TM9SF3: variants seen among roughly 807,000 people sequenced by gnomAD.
TM9SF3 encodes the protein SM-11044-binding protein.
In TM9SF3, 14 loss-of-function variants were observed where a neutral mutation model predicts 78.6. The observed-to-expected ratio is 0.18, with a 90% CI of 0.12 to 0.28. The LOEUF (loss-of-function observed/expected upper bound fraction) is 0.28, where lower values mean the gene tolerates loss of function less well. Among genes scored for constraint, TM9SF3 ranks in the 10% least tolerant of loss-of-function variants. The pLI is 1.00. For missense variants in TM9SF3, 496 were observed against 721.9 expected (o/e 0.69, Z 3.59); for synonymous variants, 231 against 241.7 (o/e 0.96, Z 0.41).
In TM9SF3 at chr10:96,519,523, A is replaced by G. The variant is rs927995961; in HGVS notation, c.*2740T>C. The stretch of plus-strand genomic sequence containing the variant: ...ATATGTATACAAATGTCAACTACTA[A>G]TGTAGTTAAATTTCAGGAGAAGCAT... On this transcript the variant is annotated 3_prime_UTR_variant, in exon 15 of 15. Coordinates refer to ENST00000371142, the MANE Select transcript of TM9SF3 (RefSeq NM_020123.4). 7.2e-5 allele frequency: 11 copies of G among 151,974 alleles called. No individual in the cohort carries two copies. The highest frequency in any genetic ancestry group is 2.0e-4 in the Admixed American group (3 of 15,260). 9.4% of individuals were successfully genotyped at this position (151,974 alleles called of 1,614,324 possible).
At chr10:96,563,608 C>T (rs1463922979) in intron 3 of TM9SF3, among the ~76,000 whole-genome samples, 1 of 151,932 alleles carries the variant, frequency 6.6e-6, no homozygotes, top group African/African-American at 2.4e-5. Context: ...GAACTCCTGG[C>T]CCCAAGTGAT....
At chr10:96,553,173 A>G (rs1848194538) in intron 5 of TM9SF3, 114 bp from the exon 6 acceptor site, 1 of 1,172,228 alleles carries the variant, frequency 8.5e-7, no homozygotes, top group South Asian at 2.1e-5. Context: ...CTTTAATTAA[A>G]TCCTTTAGAC....
intron 1 of TM9SF3, among the ~76,000 whole-genome samples, chr10:96,581,047 C>A (rs1848562994): frequency 1.3e-5 from 2 of 152,086 alleles, no homozygotes; most frequent in Non-Finnish European, 2.9e-5. Flanking sequence ...TAAAGACAGT[C>A]CTGAACACTG....
chr10:96,549,497 T>G (rs1007790359), intron 7 of TM9SF3, among the ~76,000 whole-genome samples: 13 of 152,144 alleles, frequency 8.5e-5, no homozygotes, highest in Non-Finnish European at 1.8e-4. Flanking sequence ...TGAGCTTTAG[T>G]GTCCTGGTCT....
intron 11 of TM9SF3, 108 bp from the exon 12 acceptor site, chr10:96,528,285 T>C: frequency 8.7e-7 from 1 of 1,154,762 alleles, no homozygotes; most frequent in Non-Finnish European, 1.2e-6. Context: ...ACTTAATGAC[T>C]TTCTTTCAAG....
intron 12 of TM9SF3, 69 bp from the exon 13 acceptor site, chr10:96,527,565 G>A: frequency 1.6e-6 from 2 of 1,272,440 alleles, no homozygotes; most frequent in African/African-American, 1.5e-5. Context: ...AGATTTTAAA[G>A]CAAAGAATTT....
At chr10:96,563,652 A>G (rs1848336289) in intron 3 of TM9SF3, among the ~76,000 whole-genome samples, 1 of 152,212 alleles carries the variant, frequency 6.6e-6, no homozygotes, top group South Asian at 2.1e-4. Flanking sequence ...TGCTGGGATT[A>G]CAGGCGTGAG....
rs11188813 is a variant in TM9SF3 at position 96,519,433 on chromosome 10, A to G, written c.*2830T>C. On this transcript the variant is annotated 3_prime_UTR_variant, in exon 15 of 15. Transcript: ENST00000371142. ...GGAGCCCAACATGATGAAAAATACT[A>G]AAAGAATGCTTCACCATCCCTCAGG... 0.2 allele frequency: 31,028 copies of G among 151,878 alleles called. 3,519 individuals carry two copies. The highest frequency in any genetic ancestry group is 0.3 in the Admixed American group (4,627 of 15,266). The allele number at this position is 151,878 out of a possible 1,614,324, so 9.4% of individuals were successfully genotyped here.
rs140540746 is a variant in TM9SF3, at chr10:96,558,049, G to GT, written c.660+1609dup. Among the ~76,000 whole-genome samples the GT allele has an allele frequency of 7.9e-3, 1,209 of 152,276 alleles. 34 individuals are homozygous for GT. The highest frequency in any genetic ancestry group is 0.069 in the East Asian group (359 of 5,188). On this transcript the variant is annotated intron_variant, in intron 5 of 14. Transcript: ENST00000371142. ...AGGTGCTCAATTAATATGTGTTGAA[G>GT]TAATAAATACAGTATACCATTCCAT...
At chr10:96,579,401 A>G (rs1848534841) in intron 1 of TM9SF3, among the ~76,000 whole-genome samples, 1 of 152,250 alleles carries the variant, frequency 6.6e-6, no homozygotes, top group African/African-American at 2.4e-5. Flanking sequence ...ATAAATTCCA[A>G]TACTTTTCCT....
chr10:96,551,008 T>C (rs1848163139), intron 7 of TM9SF3, among the ~76,000 whole-genome samples: 1 of 152,208 alleles, frequency 6.6e-6, no homozygotes, highest in South Asian at 2.1e-4. Context: ...TAATGGAACA[T>C]ATAACCTTTA....
chr10:96,539,255 G>A (rs1225733149), intron 9 of TM9SF3, among the ~76,000 whole-genome samples: 4 of 152,154 alleles, frequency 2.6e-5, no homozygotes, highest in African/African-American at 9.7e-5. Context: ...TGGATCACCT[G>A]AGGTCAGGAA....
In TM9SF3 at chr10:96,586,959, C is replaced by A. The variant is rs1589469140; in HGVS notation, c.-124G>T. On this transcript the variant is annotated 5_prime_UTR_variant, in exon 1 of 15. Coordinates refer to ENST00000371142, the MANE Select transcript of TM9SF3 (RefSeq NM_020123.4). ...CGGGGCGCGGACAGACGCACGGGGC[C>A]CGGCCCAGCCGCTGCCTCCTCTGCC... 2.7e-6 allele frequency: 2 copies of A among 748,692 alleles called. No homozygotes were observed. The allele number at this position is 748,692 out of a possible 1,614,324, so 46.4% of individuals were successfully genotyped here.
chr10:96,528,466 A>G (rs1291664689), intron 11 of TM9SF3, among the ~76,000 whole-genome samples: 3 of 152,172 alleles, frequency 2.0e-5, no homozygotes, highest in African/African-American at 7.2e-5. Flanking sequence ...AGAAAAGAAC[A>G]AATGAAAATA....
intron 14 of TM9SF3, among the ~76,000 whole-genome samples, chr10:96,522,731 A>G (rs1363613128): frequency 1.3e-5 from 2 of 151,970 alleles, no homozygotes; most frequent in African/African-American, 4.8e-5. Context: ...AAAATCCAAT[A>G]GATAAATAGT....
At chr10:96,535,282 G>A (rs1160747242) in intron 9 of TM9SF3, among the ~76,000 whole-genome samples, 1 of 152,070 alleles carries the variant, frequency 6.6e-6, no homozygotes, top group Non-Finnish European at 1.5e-5. Flanking sequence ...TTCAAGTTCT[G>A]GATGAAGTTA....
rs1847729956 is a variant in TM9SF3, at chr10:96,519,126, T to G, written c.*3137A>C. ...TTTTGTTTTTTACATTTGTAAAAAT[T>G]CAAGGTTTTAATAACATTTCTTTGC... On this transcript the variant is annotated 3_prime_UTR_variant, in exon 15 of 15. Coordinates refer to ENST00000371142, the MANE Select transcript of TM9SF3 (RefSeq NM_020123.4). 1 of 152,062 alleles carries G rather than the reference T, an allele frequency of 6.6e-6. No individual in the cohort carries two copies. Among genetic ancestry groups the G allele is most frequent in the South Asian group, 2.1e-4 (1 of 4,830 alleles). 9.4% of individuals were successfully genotyped at this position (152,062 alleles called of 1,614,324 possible).
chr10:96,575,966 G>C (rs1564940559), intron 2 of TM9SF3, among the ~76,000 whole-genome samples: 1 of 152,112 alleles, frequency 6.6e-6, no homozygotes, highest in Non-Finnish European at 1.5e-5. Context: ...ATAATAACTA[G>C]ATACGATGAA....
chr10:96,562,282 A>G, intron 3 of TM9SF3, 144 bp from the exon 4 acceptor site: 1 of 633,552 alleles, frequency 1.6e-6, no homozygotes, highest in Non-Finnish European at 2.6e-6. Context: ...CTCTCCCTTC[A>G]CCTTCTGCCA....
Sources: allele counts gnomAD v4.1 joint callset (sites outside exome capture counted in the v4.1 genomes callset), GRCh38; gene constraint gnomAD v4.1.1; transcripts MANE v1.5; gene names NCBI Gene and HGNC (gene_info 2026-07-23, HGNC 2026-07-21).